Variants in GALNTL6 observed in about 807,000 individuals in gnomAD.
The protein encoded by GALNTL6 is polypeptide N-acetylgalactosaminyltransferase-like 6.
GALNTL6 carries 46 observed loss-of-function variants against 73.7 expected under a neutral mutation model. That is an observed-to-expected ratio of 0.62 (90% CI 0.49 to 0.80). The LOEUF is 0.80. GALNTL6 is among the 30% of genes least tolerant of loss of function. GALNTL6 has a pLI of 0.00. For missense variants in GALNTL6, 604 were observed against 755.0 expected (o/e 0.80, Z 2.34); for synonymous variants, 259 against 263.7 (o/e 0.98, Z 0.17).
intron 5 of GALNTL6, among the ~76,000 whole-genome samples, chr4:172,400,222 AG>A (rs901322858): frequency 6.6e-6 from 1 of 152,210 alleles, no homozygotes; most frequent in African/African-American, 2.4e-5. Context: ...AGGATTAGTA[AG>A]TGCTAGATAA....
intron 2 of GALNTL6, among the ~76,000 whole-genome samples, chr4:171,958,656 C>T (rs1336407816): frequency 6.6e-6 from 1 of 152,038 alleles, no homozygotes; most frequent in Admixed American, 6.6e-5. Context: ...ACAAACTTTA[C>T]ATTACTCCCA....
chr4:172,185,632 G>A (rs943238133), intron 2 of GALNTL6, among the ~76,000 whole-genome samples: 16 of 152,136 alleles, frequency 1.1e-4, no homozygotes, highest in Non-Finnish European at 2.1e-4. Context: ...AATTTGAGAT[G>A]ATCAGTTTTT....
chr4:172,682,791 C>T (rs1287909146), intron 5 of GALNTL6, among the ~76,000 whole-genome samples: 4 of 151,960 alleles, frequency 2.6e-5, no homozygotes, highest in Non-Finnish European at 5.9e-5. Context: ...TGGTCAGTTC[C>T]AGGAAGTATT....
At chr4:172,158,607 T>C (rs1221597769) in intron 2 of GALNTL6, among the ~76,000 whole-genome samples, 1 of 152,192 alleles carries the variant, frequency 6.6e-6, no homozygotes, top group African/African-American at 2.4e-5. Context: ...CTTTCTCTTA[T>C]TCTCATGATC....
At chr4:172,237,298 CAATGGCTGA>C (rs1351238734) in intron 3 of GALNTL6, among the ~76,000 whole-genome samples, 1 of 152,166 alleles carries the variant, frequency 6.6e-6, no homozygotes, top group Non-Finnish European at 1.5e-5. Context: ...CAAAATTCCA[CAATGGCTGA>C]ACTAATTTAC....
chr4:172,974,031 T>C (rs753507813), intron 10 of GALNTL6, among the ~76,000 whole-genome samples: 9 of 152,246 alleles, frequency 5.9e-5, no homozygotes, highest in Non-Finnish European at 1.0e-4. Context: ...TGTGGGAACA[T>C]AATAACTATA....
At chr4:172,013,550 T>G (rs1001657399) in intron 2 of GALNTL6, among the ~76,000 whole-genome samples, 5 of 151,954 alleles carry the variant, frequency 3.3e-5, no homozygotes, top group African/African-American at 9.7e-5. Context: ...TTTCTCTTTT[T>G]AAAATCTTTT....
chr4:172,037,993 C>G (rs1448896751), intron 2 of GALNTL6, among the ~76,000 whole-genome samples: 1 of 152,034 alleles, frequency 6.6e-6, no homozygotes, highest in Non-Finnish European at 1.5e-5. Context: ...GTGGCACACG[C>G]CTGTAATCCC....
At chr4:172,678,655 A>G (rs928655202) in intron 5 of GALNTL6, among the ~76,000 whole-genome samples, 1 of 152,194 alleles carries the variant, frequency 6.6e-6, no homozygotes, top group Non-Finnish European at 1.5e-5. Context: ...GAAAGCAGCC[A>G]TTAGCATAAA....
Position 172,327,960 on chromosome 4 carries a change from G to A in GALNTL6, c.386+16208G>A, listed in dbSNP as rs80163986. 5.5e-3 allele frequency among the ~76,000 whole-genome samples: 831 copies of A among 152,182 alleles called. 9 individuals carry two copies. The highest frequency in any genetic ancestry group is 0.018 in the African/African-American group (749 of 41,508). Reference sequence around the variant, plus strand: ...CAATTTATTATGCCAGCTTGTTTGTGTGATTGCTTTATAGTGTCACTGGTC... The same window carrying A: ...CAATTTATTATGCCAGCTTGTTTGTATGATTGCTTTATAGTGTCACTGGTC... On this transcript the variant is annotated intron_variant, in intron 4 of 12. Coordinates refer to ENST00000506823, the MANE Select transcript of GALNTL6 (RefSeq NM_001034845.3).
intron 2 of GALNTL6, among the ~76,000 whole-genome samples, chr4:172,062,202 C>A (rs181780455): frequency 2.6e-5 from 4 of 152,176 alleles, no homozygotes; most frequent in African/African-American, 9.6e-5. Context: ...GATCCGCCCG[C>A]CTTGGCCTCC....
At chr4:172,217,770 C>T (rs141713101) in intron 2 of GALNTL6, among the ~76,000 whole-genome samples, 1 of 152,192 alleles carries the variant, frequency 6.6e-6, no homozygotes, top group African/African-American at 2.4e-5. Flanking sequence ...AGTTGTTATG[C>T]TTGATTTGTC....
At chr4:172,024,018 T>C (rs1741480095) in intron 2 of GALNTL6, among the ~76,000 whole-genome samples, 1 of 151,974 alleles carries the variant, frequency 6.6e-6, no homozygotes, top group South Asian at 2.1e-4. Flanking sequence ...AATCTACTGG[T>C]CTAAATTTGG....
intron 2 of GALNTL6, among the ~76,000 whole-genome samples, chr4:171,895,856 T>C (rs1484016541): frequency 6.6e-6 from 1 of 150,804 alleles, no homozygotes; most frequent in Non-Finnish European, 1.5e-5. Flanking sequence ...AGCAAAGAAA[T>C]AATAATGATT....
intron 5 of GALNTL6, among the ~76,000 whole-genome samples, chr4:172,589,500 G>C (rs1737552559): frequency 6.6e-6 from 1 of 152,116 alleles, no homozygotes; most frequent in Non-Finnish European, 1.5e-5. Flanking sequence ...CAAGCATTAA[G>C]ACTAACATGA....
chr4:171,967,021 A>C (rs1739404227), intron 2 of GALNTL6, among the ~76,000 whole-genome samples: 1 of 152,242 alleles, frequency 6.6e-6, no homozygotes, highest in African/African-American at 2.4e-5. Flanking sequence ...ATACTTTGCA[A>C]GTAGCAGTTT....
intron 5 of GALNTL6, among the ~76,000 whole-genome samples, chr4:172,424,042 T>C (rs1177769869): frequency 6.6e-6 from 1 of 151,988 alleles, no homozygotes; most frequent in Non-Finnish European, 1.5e-5. Context: ...ATTTTGTAGG[T>C]GATGGAGATG....
chr4:171,845,466 G>A (rs1735344340), intron 2 of GALNTL6, among the ~76,000 whole-genome samples: 1 of 152,144 alleles, frequency 6.6e-6, no homozygotes. Context: ...ATTACTGTGG[G>A]AATATAGGAA....
intron 10 of GALNTL6, among the ~76,000 whole-genome samples, chr4:172,988,960 G>A (rs1363639638): frequency 6.6e-6 from 1 of 152,228 alleles, no homozygotes; most frequent in South Asian, 2.1e-4. Flanking sequence ...GGCCTGCAGG[G>A]GCAAGCCCTC....
Sources: gnomAD v4.1 joint callset for allele counts (sites outside exome capture counted in the v4.1 genomes callset) on GRCh38, gnomAD v4.1.1 for gene constraint, MANE v1.5 for transcripts, NCBI Gene and HGNC (gene_info 2026-07-23, HGNC 2026-07-21) for gene names.